The following SEMA3A variants were observed in gnomAD, a reference collection of about 807,000 sequenced individuals.
SEMA3A encodes semaphorin 3A.
In SEMA3A, 29 loss-of-function variants were observed where a neutral mutation model predicts 97.9. The observed-to-expected ratio is 0.30, with a 90% confidence interval of 0.22 to 0.40. SEMA3A has a LOEUF of 0.40. SEMA3A is among the 10% of genes least tolerant of loss of function. The pLI is 1.00. For synonymous variants in SEMA3A, 321 were observed against 323.7 expected, an observed-to-expected ratio of 0.99 and a Z score of 0.09; for missense variants, 763 against 951.3, an observed-to-expected ratio of 0.80 and a Z score of 2.60.
At chr7:84,135,658 C>A (rs1028595456) in intron 1 of SEMA3A, among the ~76,000 whole-genome samples, 1 of 152,150 alleles carries the variant, frequency 6.6e-6, no homozygotes, top group African/African-American at 2.4e-5. Flanking sequence ...CAGAACCTAA[C>A]AAAATAGGAA....
intron 1 of SEMA3A, among the ~76,000 whole-genome samples, chr7:84,460,231 T>A (rs1805793479): frequency 6.6e-6 from 1 of 152,190 alleles, no homozygotes; most frequent in African/African-American, 2.4e-5. Context: ...GATTGTCTAA[T>A]CCTGCAAATA....
rs187499795 is a variant in SEMA3A, at chr7:84,150,543, A to C, written c.113-15592T>G. On this transcript the variant is annotated intron_variant, in intron 1 of 16. Coordinates refer to ENST00000265362, the MANE Select transcript of SEMA3A (RefSeq NM_006080.3). ...CTGTGCTTTTCCGACGGGCTTAAAA[A>C]ACGGCGCATCACGAGATTATATCCC... Among the ~76,000 whole-genome samples, 828 of 152,266 alleles carry C rather than the reference A, an allele frequency of 5.4e-3. 8 individuals are homozygous for C. The highest frequency in any genetic ancestry group is 0.019 in the African/African-American group (773 of 41,558).
chr7:84,043,773 G>A (rs1792235643), intron 6 of SEMA3A, among the ~76,000 whole-genome samples: 1 of 151,826 alleles, frequency 6.6e-6, no homozygotes, highest in African/African-American at 2.4e-5. Context: ...GTGCTAATTT[G>A]GAAAAATCAG....
At chr7:84,360,280 C>T (rs1220629770) in intron 2 of SEMA3A, among the ~76,000 whole-genome samples, 3 of 151,908 alleles carry the variant, frequency 2.0e-5, no homozygotes, top group Non-Finnish European at 4.4e-5. Context: ...GCATTTAGTG[C>T]TATAAATTTC....
intron 3 of SEMA3A, among the ~76,000 whole-genome samples, chr7:84,119,448 C>T (rs932933822): frequency 1.8e-4 from 28 of 152,006 alleles, no homozygotes; most frequent in African/African-American, 6.0e-4. Flanking sequence ...AGTAAGTAGA[C>T]GTATATTAAA....
intron 3 of SEMA3A, among the ~76,000 whole-genome samples, chr7:84,204,623 G>A (rs1798442417): frequency 6.6e-6 from 1 of 152,116 alleles, no homozygotes; most frequent in South Asian, 2.1e-4. Context: ...AAAGAGAGGA[G>A]GATCTAGGCT....
chr7:84,240,596 A>G (rs1057403510), intron 3 of SEMA3A, among the ~76,000 whole-genome samples: 1 of 152,308 alleles, frequency 6.6e-6, no homozygotes, highest in Admixed American at 6.5e-5. Context: ...GCAAAGAAGC[A>G]TGGGACAGCT....
In SEMA3A at chr7:84,379,178, C is replaced by T. The variant is rs373922827; in HGVS notation, c.-245-7278G>A. Among the ~76,000 whole-genome samples, 1,175 of 152,156 alleles carry T rather than the reference C, an allele frequency of 7.7e-3. 10 individuals carry two copies. The highest frequency in any genetic ancestry group is 0.012 in the Non-Finnish European group (808 of 67,978). On this transcript the variant is annotated intron_variant, in intron 1 of 3. Transcript: ENST00000424555. ...TCCTGACCTCATGATCCGCCTGCCTCGGCCTCCCAAAGTGCTGGGATTACA... is the reference window on the plus strand; with the variant it reads ...TCCTGACCTCATGATCCGCCTGCCTTGGCCTCCCAAAGTGCTGGGATTACA...
intron 3 of SEMA3A, among the ~76,000 whole-genome samples, chr7:84,126,700 T>A (rs559846220): frequency 6.6e-6 from 1 of 152,232 alleles, no homozygotes; most frequent in Non-Finnish European, 1.5e-5. Flanking sequence ...TTGACGTTAA[T>A]AGATTTTTGT....
intron 4 of SEMA3A, among the ~76,000 whole-genome samples, chr7:84,101,464 A>G (rs977278596): frequency 2.7e-4 from 41 of 152,268 alleles, no homozygotes; most frequent in African/African-American, 9.9e-4. Context: ...AAATGATCTG[A>G]AAATTTACCG....
At chr7:84,166,119 A>G (rs1022845071) in intron 1 of SEMA3A, among the ~76,000 whole-genome samples, 4 of 151,938 alleles carry the variant, frequency 2.6e-5, no homozygotes, top group Non-Finnish European at 5.9e-5. Flanking sequence ...GAAAAAGTAA[A>G]ATAAATATTA....
intron 3 of SEMA3A, among the ~76,000 whole-genome samples, chr7:84,276,050 T>A (rs931400870): frequency 3.3e-5 from 5 of 152,064 alleles, no homozygotes; most frequent in African/African-American, 7.2e-5. Flanking sequence ...CCTCAATTGA[T>A]CTTCTCAGAC....
chr7:84,484,919 T>C (rs1002464092), intron 1 of SEMA3A, among the ~76,000 whole-genome samples: 1 of 152,202 alleles, frequency 6.6e-6, no homozygotes, highest in Non-Finnish European at 1.5e-5. Context: ...CAACCTGCAC[T>C]GCATGTGGGC....
chr7:84,002,842 T>C (rs1790516778), intron 11 of SEMA3A, among the ~76,000 whole-genome samples: 1 of 152,182 alleles, frequency 6.6e-6, no homozygotes, highest in African/African-American at 2.4e-5. Flanking sequence ...ATTTGCATTG[T>C]TAAAAGAGAC....
At chr7:84,014,083 T>C (rs181431958) in intron 7 of SEMA3A, 126 bp downstream of exon 7, 2 of 724,840 alleles carry the variant, frequency 2.8e-6, no homozygotes, top group South Asian at 2.0e-5. Flanking sequence ...ATTTACCATT[T>C]ATTTGTTATG....
chr7:84,318,564 T>C (rs957314293), intron 2 of SEMA3A, among the ~76,000 whole-genome samples: 26 of 152,134 alleles, frequency 1.7e-4, no homozygotes, highest in Non-Finnish European at 2.6e-4. Flanking sequence ...CCTCGTGATC[T>C]GCCCGCCTCG....
intron 1 of SEMA3A, among the ~76,000 whole-genome samples, chr7:84,138,262 G>C (rs1187479759): frequency 1.3e-5 from 2 of 151,478 alleles, no homozygotes; most frequent in African/African-American, 4.9e-5. Flanking sequence ...GTCCTAACTT[G>C]TAAACATCAG....
intron 6 of SEMA3A, among the ~76,000 whole-genome samples, chr7:84,029,982 A>G (rs1425993476): frequency 6.6e-6 from 1 of 152,170 alleles, no homozygotes; most frequent in Admixed American, 6.5e-5. Context: ...AACGTAAGAC[A>G]TGTCAATATA....
upstream of SEMA3A, among the ~76,000 whole-genome samples, chr7:84,200,021 T>C (rs1798316529): frequency 6.6e-6 from 1 of 151,980 alleles, no homozygotes; most frequent in South Asian, 2.1e-4. Context: ...GAGAATTCAA[T>C]CTGTAGGGAA....
Sources: allele counts gnomAD v4.1 joint callset (sites outside exome capture counted in the v4.1 genomes callset), GRCh38; gene constraint gnomAD v4.1.1; transcripts MANE v1.5; gene names NCBI Gene and HGNC (gene_info 2026-07-23, HGNC 2026-07-21).